CARF: variants seen among roughly 807,000 people sequenced by gnomAD.
The protein encoded by CARF is calcium responsive transcription factor.
In CARF, 57 loss-of-function variants were observed where a neutral mutation model predicts 82.0. The ratio of observed to expected loss-of-function variants is 0.70; its 90% CI spans 0.56 to 0.87. CARF has a LOEUF of 0.87. CARF is among the 40% of genes least tolerant of loss of function. The pLI, the probability that CARF is intolerant of heterozygous loss-of-function variation, is 0.00. For missense variants in CARF, 771 were observed against 855.8 expected, an observed-to-expected ratio of 0.90 and a Z score of 1.24; for synonymous variants, 268 against 290.1, an observed-to-expected ratio of 0.92 and a Z score of 0.77.
chr2:202,953,764 C>CTA (rs2058884061), intron 6 of CARF, among the ~76,000 whole-genome samples: 1 of 151,938 alleles, frequency 6.6e-6, no homozygotes, highest in Non-Finnish European at 1.5e-5. Context: ...ACAATTATTT[C>CTA]TACCACTTTT....
At chr2:202,968,672 A>G (rs939596585) in intron 10 of CARF, among the ~76,000 whole-genome samples, 2 of 152,078 alleles carry the variant, frequency 1.3e-5, no homozygotes, top group African/African-American at 4.8e-5. Flanking sequence ...CCATCATTCT[A>G]CAAGTACTTT....
chr2:202,921,469 A>G (rs1474800715), intron 2 of CARF, among the ~76,000 whole-genome samples: 1 of 152,228 alleles, frequency 6.6e-6, no homozygotes, highest in Non-Finnish European at 1.5e-5. Context: ...ATTAGCAAAC[A>G]TGAGTTCACT....
rs67855316 is a variant in CARF, at chr2:202,953,498, GT to G, written c.428-488del. 3.8e-3 allele frequency among the ~76,000 whole-genome samples: 268 copies of G among 70,294 alleles called. 1 individual carries two copies. Among genetic ancestry groups the G allele is most frequent in the South Asian group, 6.1e-3 (9 of 1,464 alleles). 46.1% of individuals were successfully genotyped at this position (70,294 alleles called of 152,430 possible). Reference sequence around the variant, plus strand: ...ATATGCCTATTACTCTTTTTTTGTTGTTTTTTTTTTTTTTTTTTTGCTTTCC... The same window carrying G: ...ATATGCCTATTACTCTTTTTTTGTTGTTTTTTTTTTTTTTTTTTGCTTTCC... On this transcript the variant is annotated intron_variant, in intron 6 of 16. Coordinates refer to ENST00000438828, the MANE Select transcript of CARF (RefSeq NM_024744.17).
chr2:202,918,401 G>A (rs1276040097), intron 2 of CARF, among the ~76,000 whole-genome samples: 1 of 152,078 alleles, frequency 6.6e-6, no homozygotes, highest in Non-Finnish European at 1.5e-5. Flanking sequence ...GGCGCCTATA[G>A]TCCCAGCTAC....
At chr2:202,952,208 T>C (rs1174234259) in intron 5 of CARF, among the ~76,000 whole-genome samples, 2 of 152,196 alleles carry the variant, frequency 1.3e-5, no homozygotes, top group African/African-American at 4.8e-5. Flanking sequence ...AGGTGAAACA[T>C]GTATGAATAA....
At chr2:202,972,769 C>G (rs2059850842) in intron 12 of CARF, among the ~76,000 whole-genome samples, 1 of 150,916 alleles carries the variant, frequency 6.6e-6, no homozygotes, top group Non-Finnish European at 1.5e-5. Flanking sequence ...TGATACTTAG[C>G]CTTGCTCTTA....
rs2060466762 is a variant in CARF, at chr2:202,986,897, T to TATATATACATATATATATATATAC, written c.*3280_*3281insCATATATATATATATACATATATA. 6.6e-5 allele frequency: 9 copies of TATATATACATATATATATATATAC among 135,936 alleles called. No individual in the cohort carries two copies. The highest frequency in any genetic ancestry group is 1.4e-4 in the Non-Finnish European group (9 of 62,584). 8.4% of individuals were successfully genotyped at this position (135,936 alleles called of 1,614,324 possible). ...ATATATATATATATATATATATATA[T>TATATATACATATATATATATATAC]ATATATATATAGCAACTTGATGTAT... On this transcript the variant is annotated 3_prime_UTR_variant, in exon 17 of 17. Coordinates refer to ENST00000438828, the MANE Select transcript of CARF (RefSeq NM_024744.17).
intron 9 of CARF, 44 bp downstream of exon 9, chr2:202,961,470 T>C: frequency 1.3e-6 from 2 of 1,535,230 alleles, no homozygotes; most frequent in Non-Finnish European, 1.8e-6. Context: ...GCAGCAGCCA[T>C]AGTCCATTGT....
Position 202,955,667 on chromosome 2 carries a change from A to G in CARF, c.558-7A>G, listed in dbSNP as rs199994868. On this transcript the variant is annotated splice_polypyrimidine_tract_variant and splice_region_variant and intron_variant, in intron 7 of 16. Coordinates refer to ENST00000438828, the MANE Select transcript of CARF (RefSeq NM_024744.17). Reference sequence around the variant, plus strand: ...GCATATTTATATATATTCCTCTCCTATCCCAGAATGCTGGAAGAACCCCTT... The same window carrying G: ...GCATATTTATATATATTCCTCTCCTGTCCCAGAATGCTGGAAGAACCCCTT... 2.1e-4 allele frequency: 339 copies of G among 1,601,462 alleles called. 1 individual carries two copies. Among genetic ancestry groups the G allele is most frequent in the Admixed American group, 2.6e-4 (15 of 58,180 alleles).
chr2:202,980,663 G>T (rs1404866164), intron 14 of CARF, among the ~76,000 whole-genome samples: 1,609 of 46,302 alleles, frequency 0.035, 1 homozygote, highest in Middle Eastern at 0.054. Flanking sequence ...TATATATATA[G>T]TTGTGCCTCT....
chr2:202,977,917 C>T (rs2060099010), intron 14 of CARF, among the ~76,000 whole-genome samples: 1 of 152,180 alleles, frequency 6.6e-6, no homozygotes, highest in South Asian at 2.1e-4. Context: ...GCGTTCTCGG[C>T]TCACTGAAAC....
At chr2:202,967,582 C>T (rs961542645) in intron 10 of CARF, among the ~76,000 whole-genome samples, 2 of 152,086 alleles carry the variant, frequency 1.3e-5, no homozygotes, top group Non-Finnish European at 2.9e-5. Flanking sequence ...CATAAAAGTA[C>T]TATTTTTTAA....
In CARF at chr2:202,941,842, C is replaced by G; in HGVS notation, c.-43-18C>G. On this transcript the variant is annotated intron_variant, in intron 3 of 16. Coordinates refer to ENST00000438828, the MANE Select transcript of CARF (RefSeq NM_024744.17). ...AATACTAAGTGCTTTAGTTGATCAG[C>G]TATTTAAACTCTTTCAGCTATTAAA... is the stretch of plus-strand genomic sequence containing the variant. The G allele has an allele frequency of 7.7e-7, 1 of 1,299,714 alleles. No homozygotes were observed. The allele number at this position is 1,299,714 out of a possible 1,614,324, so 80.5% of individuals were successfully genotyped here. A position where few individuals can be genotyped will look rare whatever the true frequency, so the allele number is the denominator to read the frequency against.
chr2:202,968,191 C>A (rs888510870), intron 10 of CARF, among the ~76,000 whole-genome samples: 10 of 151,988 alleles, frequency 6.6e-5, no homozygotes, highest in Non-Finnish European at 1.5e-4. Context: ...ATTACAAGGT[C>A]AGGAGTTCAA....
At chr2:202,939,200 C>T (rs2058097400) in intron 3 of CARF, among the ~76,000 whole-genome samples, 1 of 152,108 alleles carries the variant, frequency 6.6e-6, no homozygotes, top group African/African-American at 2.4e-5. Context: ...TGAAAAATTG[C>T]CAGCCATTAT....
In CARF at chr2:202,967,025, G is replaced by A. The variant is rs1195486976; in HGVS notation, c.880G>A (p.Gly294Ser). The stretch of plus-strand genomic sequence containing the variant: ...GTGTCAGTATGGGCCAAGAAGAAAA[G>A]GTTTCCAGTTAAAAAAAGTCAGTGA... Reference protein sequence around the residue: ...MECQYGPRRKGFQLKKVSEQE... With the variant: ...MECQYGPRRKSFQLKKVSEQE... Residue 294 changes from glycine to serine, a missense_variant, in exon 10 of 17, where the codon GGT (glycine) becomes AGT (serine). Coordinates refer to ENST00000438828, the MANE Select transcript of CARF (RefSeq NM_024744.17). 1.2e-6 allele frequency: 2 copies of A among 1,613,808 alleles called. No individual in the cohort carries two copies. Among genetic ancestry groups the A allele is most frequent in the African/African-American group, 1.3e-5 (1 of 74,862 alleles).
intron 5 of CARF, 70 bp from the exon 6 acceptor site, chr2:202,952,489 T>C: frequency 1.4e-6 from 2 of 1,406,376 alleles, no homozygotes; most frequent in Non-Finnish European, 2.0e-6. Context: ...TAATAATTTA[T>C]TTAATTAATA....
Position 202,971,560 on chromosome 2 carries a change from C to G in CARF, c.1153C>G (p.Pro385Ala). Residue 385 changes from proline (P) to alanine (A), a missense_variant, in exon 12 of 17, where the codon CCC becomes GCC. By Grantham distance (27) the Pro-to-Ala change is conservative. Transcript: ENST00000438828. Reference protein sequence around the residue: ...QAHQYHELETPCLTLSPSPFP... With the variant: ...QAHQYHELETACLTLSPSPFP... ...TCATCAGTATCATGAATTAGAGACT[C>G]CCTGCCTCACTTTGTCACCTTCTCC... The G allele has an allele frequency of 6.2e-7, 1 of 1,613,674 alleles. No homozygotes were observed. Among genetic ancestry groups the G allele is most frequent in the Non-Finnish European group, 8.5e-7 (1 of 1,179,786 alleles).
intron 6 of CARF, among the ~76,000 whole-genome samples, chr2:202,953,301 C>T (rs1168424076): frequency 6.6e-6 from 1 of 152,116 alleles, no homozygotes; most frequent in Non-Finnish European, 1.5e-5. Context: ...TGCACGTGAG[C>T]CACTTCGCCC....
Sources: allele counts gnomAD v4.1 joint callset (sites outside exome capture counted in the v4.1 genomes callset), GRCh38; gene constraint gnomAD v4.1.1; transcripts MANE v1.5; gene names NCBI Gene and HGNC (gene_info 2026-07-23, HGNC 2026-07-21).